Variants in USP14 observed in about 807,000 individuals in gnomAD.
USP14 encodes ubiquitin carboxyl-terminal hydrolase 14.
Under a neutral mutation model 76.5 loss-of-function variants are expected in USP14, and 38 were observed. The ratio of observed to expected loss-of-function variants is 0.50; its 90% CI spans 0.38 to 0.65. USP14 has a LOEUF of 0.65. USP14 is among the 30% of genes least tolerant of loss of function. The probability of loss-of-function intolerance (pLI) is 0.00; values close to 1 mark genes in which losing one functional copy is unlikely to be tolerated. For synonymous variants in USP14, 192 were observed against 191.7 expected, an observed-to-expected ratio of 1.00 and a Z score of -0.01; for missense variants, 467 against 586.5, an observed-to-expected ratio of 0.80 and a Z score of 2.10.
At chr18:184,343 A>G (rs1397502604) in intron 5 of USP14, among the ~76,000 whole-genome samples, 1 of 152,216 alleles carries the variant, frequency 6.6e-6, no homozygotes, top group Non-Finnish European at 1.5e-5. Context: ...ACTAACTGAT[A>G]AAACAAGAAT....
chr18:186,974 T>C (rs1030676972), intron 5 of USP14, among the ~76,000 whole-genome samples: 1 of 152,162 alleles, frequency 6.6e-6, no homozygotes, highest in African/African-American at 2.4e-5. Context: ...GTTAATAAAT[T>C]AGAGTGGATA....
chr18:171,533 G>A lies in USP14; in HGVS notation c.195+4714G>A, dbSNP rs562722246. Among the ~76,000 whole-genome samples, 10 of 152,282 alleles carry A rather than the reference G, an allele frequency of 6.6e-5. No homozygotes were observed. In the East Asian group the frequency reaches 9.6e-4, roughly 15 times the overall value. ...GGCCACCATTGAGACTTCCTGCTCA[G>A]AAAGATTCCTTTCAAAATATTACTG... On this transcript the variant is annotated intron_variant, in intron 3 of 15. Transcript: ENST00000261601.
Position 213,478 on chromosome 18 carries a change from G to A in USP14, c.*2194G>A, listed in dbSNP as rs1910735891. The A allele has an allele frequency of 6.6e-6, 1 of 152,218 alleles. No individual in the cohort carries two copies. Among genetic ancestry groups the A allele is most frequent in the East Asian group, 1.9e-4 (1 of 5,170 alleles). The allele number at this position is 152,218 out of a possible 1,614,324, so 9.4% of individuals were successfully genotyped here. A position where few individuals can be genotyped will look rare whatever the true frequency, so the allele number is the denominator to read the frequency against. ...ACTAATAAGGCTATTTTAGAATTCA[G>A]CCTTGCCTGTAAGGTCTTTGAGAAG... On this transcript the variant is annotated 3_prime_UTR_variant, in exon 16 of 16. Transcript: ENST00000261601.
intron 3 of USP14, among the ~76,000 whole-genome samples, chr18:172,702 A>G (rs1191891958): frequency 6.6e-6 from 1 of 150,912 alleles, no homozygotes; most frequent in Non-Finnish European, 1.5e-5. Flanking sequence ...GAAGGCTTAG[A>G]TGATTGTCAG....
At position 197,643 on chromosome 18, in the gene USP14, A is replaced by T. The variant is rs1345248218; in HGVS notation, c.622A>T (p.Met208Leu). The change falls in exon 8 of 16, where the codon ATG becomes TTG. Residue 208 changes from methionine to leucine, a missense_variant. Coordinates refer to ENST00000261601, the MANE Select transcript of USP14 (RefSeq NM_005151.4). ...TGCTAATGAATGTTGGATACAAATG[A>T]TGCGAGTATTGCAACAGAAATTGGA... ...QDANECWIQMMRVLQQKLEAI... is the reference protein window; with the variant it reads ...QDANECWIQMLRVLQQKLEAI... 26 of 1,612,430 alleles carry T rather than the reference A, an allele frequency of 1.6e-5. No homozygotes were observed. Among genetic ancestry groups the T allele is most frequent in the Non-Finnish European group, 2.0e-5 (24 of 1,179,148 alleles).
chr18:214,106 CAGTT>C lies in USP14; in HGVS notation c.*2836_*2839del, dbSNP rs145417644. On this transcript the variant is annotated 3_prime_UTR_variant, in exon 16 of 16. Coordinates refer to ENST00000261601, the MANE Select transcript of USP14 (RefSeq NM_005151.4). ...GTTATAGTGTAGCTGGAGCCATAGA[CAGTT>C]AGTTAGTTAGTTATGAGTGAGCACA... 0.17 allele frequency: 25,813 copies of C among 153,288 alleles called. 2,397 individuals are homozygous for C. The highest frequency in any genetic ancestry group is 0.22 in the Non-Finnish European group (15,497 of 68,950). 9.5% of individuals were successfully genotyped at this position (153,288 alleles called of 1,614,324 possible).
chr18:191,179 TAAC>T (rs1910075314), intron 5 of USP14, among the ~76,000 whole-genome samples: 1 of 152,168 alleles, frequency 6.6e-6, no homozygotes, highest in South Asian at 2.1e-4. Flanking sequence ...TAAAATGTCT[TAAC>T]AGGGAAATGT....
chr18:181,840 T>G (rs554404425), intron 5 of USP14, among the ~76,000 whole-genome samples: 10 of 152,204 alleles, frequency 6.6e-5, no homozygotes, highest in Non-Finnish European at 1.5e-4. Flanking sequence ...TTGTTGTTTT[T>G]CAAGAGTTAA....
chr18:204,777 T>A, intron 13 of USP14, 85 bp downstream of exon 13: 1 of 1,509,320 alleles, frequency 6.6e-7, no homozygotes, highest in East Asian at 2.3e-5. Flanking sequence ...TTTTTCCTGC[T>A]TCATTTTTCC....
At chr18:198,729 A>G (rs902898849) in intron 9 of USP14, among the ~76,000 whole-genome samples, 1 of 152,100 alleles carries the variant, frequency 6.6e-6, no homozygotes, top group African/African-American at 2.4e-5. Context: ...CTTATAAAGA[A>G]TTAATTTCTT....
chr18:164,981 C>G (rs1459746221), intron 2 of USP14, among the ~76,000 whole-genome samples: 3 of 152,110 alleles, frequency 2.0e-5, no homozygotes, highest in Non-Finnish European at 4.4e-5. Flanking sequence ...GAGTCTCCCT[C>G]TGTCACTCAG....
chr18:177,144 A>G (rs1909648996), intron 3 of USP14, among the ~76,000 whole-genome samples: 1 of 152,100 alleles, frequency 6.6e-6, no homozygotes, highest in African/African-American at 2.4e-5. Context: ...TTAAAGTATT[A>G]CATTTTTCTT....
rs376876311 is a variant in USP14, at chr18:192,884, G to A, written c.447G>A (p.Ala149=). Residue 149 remains alanine, a synonymous_variant, in exon 6 of 16, where the codon GCG becomes GCA. Coordinates refer to ENST00000261601, the MANE Select transcript of USP14 (RefSeq NM_005151.4). ...GAGCTTCAGGGGAAATGGCTTCAGC[G>A]CAGTATATTACTGCAGGTTTGTATA... ...ALRASGEMAS[A]QYITAALRDL... is the part of the protein sequence containing the mutation. The A allele has an allele frequency of 4.1e-5, 66 of 1,613,638 alleles. No individual in the cohort carries two copies. Among genetic ancestry groups the A allele is most frequent in the Non-Finnish European group, 5.0e-5 (59 of 1,179,834 alleles).
At chr18:172,858 C>T (rs187081582) in intron 3 of USP14, among the ~76,000 whole-genome samples, 32 of 152,128 alleles carry the variant, frequency 2.1e-4, no homozygotes, top group African/African-American at 7.2e-4. Context: ...TGCTTTATTG[C>T]GATATTTGCT....
At chr18:179,331 G>GT (rs2144233559) in intron 4 of USP14, among the ~76,000 whole-genome samples, 1 of 151,998 alleles carries the variant, frequency 6.6e-6, no homozygotes, top group South Asian at 2.1e-4. Context: ...GCTAATATCT[G>GT]TAATAAATAT....
At chr18:202,603 C>T (rs1055433971) in intron 10 of USP14, among the ~76,000 whole-genome samples, 1 of 152,154 alleles carries the variant, frequency 6.6e-6, no homozygotes, top group African/African-American at 2.4e-5. Flanking sequence ...TGAATCTAAG[C>T]ATCATTTGGG....
chr18:197,716 G>T lies in USP14; in HGVS notation c.675+20G>T. The T allele has an allele frequency of 6.3e-7, 1 of 1,578,362 alleles. No individual in the cohort carries two copies. Among genetic ancestry groups the T allele is most frequent in the South Asian group, 1.1e-5 (1 of 87,460 alleles). On this transcript the variant is annotated intron_variant, in intron 8 of 15. Transcript: ENST00000261601. ...AAAGAGGTAATTGAAATATATTTGT[G>T]ATTATAGACTTTCGTTATACCTTGA...
At chr18:202,128 C>T (rs552095302) in intron 10 of USP14, among the ~76,000 whole-genome samples, 1 of 152,154 alleles carries the variant, frequency 6.6e-6, no homozygotes, top group Non-Finnish European at 1.5e-5. Flanking sequence ...TAAAGCAGAG[C>T]ACATAAGTAG....
chr18:198,354 C>T (rs757861261), intron 9 of USP14, among the ~76,000 whole-genome samples: 8 of 152,124 alleles, frequency 5.3e-5, no homozygotes, highest in Non-Finnish European at 8.8e-5. Flanking sequence ...TCTGCCTCAG[C>T]CTCCCAAGTA....
Sources: gnomAD v4.1 joint callset for allele counts (sites outside exome capture counted in the v4.1 genomes callset) on GRCh38, gnomAD v4.1.1 for gene constraint, MANE v1.5 for transcripts, NCBI Gene and HGNC (gene_info 2026-07-23, HGNC 2026-07-21) for gene names.